Variants in ZPBP observed in about 807,000 individuals in gnomAD.
ZPBP encodes the protein zona pellucida-binding protein 1.
Under a neutral mutation model 44.8 loss-of-function variants are expected in ZPBP, and 26 were observed. The ratio of observed to expected loss-of-function variants is 0.58; its 90% CI spans 0.43 to 0.81. The LOEUF (loss-of-function observed/expected upper bound fraction) is 0.81, where lower values mean the gene tolerates loss of function less well. Among genes scored for constraint, ZPBP ranks in the 30% least tolerant of loss-of-function variants. The pLI is 0.00. For missense variants in ZPBP, 409 were observed against 434.0 expected, an observed-to-expected ratio of 0.94 and a Z score of 0.51; for synonymous variants, 174 against 153.2, an observed-to-expected ratio of 1.14 and a Z score of -1.00.
intron 6 of ZPBP, among the ~76,000 whole-genome samples, chr7:50,007,943 C>G (rs1798386696): frequency 6.6e-6 from 1 of 151,856 alleles, no homozygotes; most frequent in Non-Finnish European, 1.5e-5. Flanking sequence ...GAAAGCTTTC[C>G]CACTAAGATT....
At chr7:50,064,694 G>T (rs1394945687) in intron 3 of ZPBP, among the ~76,000 whole-genome samples, 1 of 152,206 alleles carries the variant, frequency 6.6e-6, no homozygotes, top group Non-Finnish European at 1.5e-5. Flanking sequence ...AGCGGTCAGA[G>T]TTTAAGGTTA....
chr7:50,058,300 G>A (rs752585173), intron 3 of ZPBP, among the ~76,000 whole-genome samples, 159 bp from the exon 4 acceptor site: 83 of 152,284 alleles, frequency 5.5e-4, no homozygotes, highest in Admixed American at 3.9e-4. Flanking sequence ...GCTAACAGTG[G>A]ATGCCAGGAT....
At chr7:49,980,441 A>G (rs1383937035) in intron 7 of ZPBP, among the ~76,000 whole-genome samples, 3 of 150,432 alleles carry the variant, frequency 2.0e-5, no homozygotes, top group Non-Finnish European at 4.4e-5. Flanking sequence ...TCATATTGCC[A>G]TAAGAGGATA....
intron 2 of ZPBP, among the ~76,000 whole-genome samples, chr7:49,870,914 G>T (rs911294799): frequency 6.6e-6 from 1 of 152,174 alleles, no homozygotes; most frequent in Non-Finnish European, 1.5e-5. Context: ...TAGGCAAAAT[G>T]ACTACGGAAC....
At chr7:49,865,933 T>C (rs570722939) in intron 2 of ZPBP, among the ~76,000 whole-genome samples, 1 of 152,382 alleles carries the variant, frequency 6.6e-6, no homozygotes, top group South Asian at 2.1e-4. Flanking sequence ...ATTTGTCCAG[T>C]TGAGAAAGTC....
At chr7:50,057,422 T>C (rs994120753) in intron 4 of ZPBP, among the ~76,000 whole-genome samples, 1 of 152,042 alleles carries the variant, frequency 6.6e-6, no homozygotes, top group Non-Finnish European at 1.5e-5. Context: ...TCTGTAAGAG[T>C]GTGTGCCTCT....
chr7:49,937,232 A>C (rs1794650378), downstream of ZPBP, among the ~76,000 whole-genome samples: 1 of 152,200 alleles, frequency 6.6e-6, no homozygotes, highest in African/African-American at 2.4e-5. Context: ...AAAACAGAAT[A>C]TTTCTGAAAA....
chr7:50,076,825 A>C (rs940202942), intron 3 of ZPBP, among the ~76,000 whole-genome samples: 2 of 151,906 alleles, frequency 1.3e-5, no homozygotes, highest in African/African-American at 4.8e-5. Flanking sequence ...AAACTATACA[A>C]AGCAATCTGG....
intron 3 of ZPBP, among the ~76,000 whole-genome samples, chr7:50,059,408 C>T (rs1201587363): frequency 6.6e-6 from 1 of 152,174 alleles, no homozygotes; most frequent in African/African-American, 2.4e-5. Context: ...GCCTTGAGAA[C>T]TTCCATTTCT....
chr7:50,058,142 C>G lies in ZPBP; in HGVS notation c.335-1G>C. The G allele has an allele frequency of 6.2e-7, 1 of 1,613,526 alleles. No individual in the cohort carries two copies. The highest frequency in any genetic ancestry group is 2.2e-5 in the East Asian group (1 of 44,812). On this transcript the variant is annotated splice_acceptor_variant, in intron 3 of 7. Coordinates refer to ENST00000046087, the MANE Select transcript of ZPBP (RefSeq NM_007009.3). LOFTEE classifies it high-confidence loss of function. ...GTTATTTGTGCAGTGCGGTTTTCTA[C>G]TAAAGGAATAAGATACAGTTACGAG...
intron 2 of ZPBP, among the ~76,000 whole-genome samples, chr7:49,871,949 A>ACACACG (rs1315549948): frequency 8.1e-6 from 1 of 123,328 alleles, no homozygotes; most frequent in Admixed American, 7.7e-5. Flanking sequence ...ACACACACAC[A>ACACACG]CACACACACC....
chr7:50,072,395 C>A (rs1416012062), intron 3 of ZPBP, among the ~76,000 whole-genome samples: 1 of 152,240 alleles, frequency 6.6e-6, no homozygotes, highest in African/African-American at 2.4e-5. Flanking sequence ...TCCCAGACAG[C>A]ACTTCTGAAC....
At chr7:50,090,310 T>C (rs1328850299) in intron 1 of ZPBP, among the ~76,000 whole-genome samples, 1 of 151,964 alleles carries the variant, frequency 6.6e-6, no homozygotes, top group African/African-American at 2.4e-5. Flanking sequence ...CTTTGCATCC[T>C]CATAGCTTAG....
chr7:50,078,736 T>C (rs1802223563), intron 3 of ZPBP, among the ~76,000 whole-genome samples: 1 of 151,338 alleles, frequency 6.6e-6, no homozygotes, highest in Non-Finnish European at 1.5e-5. Flanking sequence ...ACTAAGGAGC[T>C]CTGCATAGTA....
chr7:50,034,088 G>A (rs1418779378), intron 4 of ZPBP, among the ~76,000 whole-genome samples: 1 of 151,964 alleles, frequency 6.6e-6, no homozygotes, highest in Non-Finnish European at 1.5e-5. Flanking sequence ...GGTAGAAATA[G>A]GTGACCAGAG....
At chr7:49,845,784 C>T (rs1789928003), downstream of ZPBP, among the ~76,000 whole-genome samples, 1 of 152,206 alleles carries the variant, frequency 6.6e-6, no homozygotes, top group Non-Finnish European at 1.5e-5. Flanking sequence ...TTTCCCCTGT[C>T]TCTATGGCCA....
chr7:50,037,958 G>A (rs1361181784), intron 4 of ZPBP, among the ~76,000 whole-genome samples: 1 of 152,158 alleles, frequency 6.6e-6, no homozygotes, highest in African/African-American at 2.4e-5. Flanking sequence ...GAATCTGGCT[G>A]AGAGGTGATG....
intron 2 of ZPBP, among the ~76,000 whole-genome samples, chr7:49,874,223 C>T (rs977537842): frequency 6.6e-6 from 1 of 152,166 alleles, no homozygotes; most frequent in South Asian, 2.1e-4. Context: ...AACCACATTT[C>T]GGTCAACTAT....
intron 5 of ZPBP, among the ~76,000 whole-genome samples, chr7:50,024,542 G>T (rs1215898360): frequency 1.8e-5 from 1 of 55,174 alleles, no homozygotes; most frequent in Non-Finnish European, 4.1e-5. Context: ...AGATGAACCT[G>T]AAGACATATG....
Sources: gnomAD v4.1 joint callset for allele counts (sites outside exome capture counted in the v4.1 genomes callset) on GRCh38, gnomAD v4.1.1 for gene constraint, MANE v1.5 for transcripts, NCBI Gene and HGNC (gene_info 2026-07-23, HGNC 2026-07-21) for gene names.